THOC1: variants seen among roughly 807,000 people sequenced by gnomAD.
THOC1 encodes THO complex subunit 1.
Under a neutral mutation model 97.3 loss-of-function variants are expected in THOC1, and 29 were observed. The observed-to-expected ratio is 0.30, with a 90% CI of 0.22 to 0.41. The LOEUF is 0.41. Among genes scored for constraint, THOC1 ranks in the 10% least tolerant of loss-of-function variants. THOC1 has a pLI of 1.00. For synonymous variants in THOC1, 255 were observed against 257.0 expected, an observed-to-expected ratio of 0.99 and a Z score of 0.07; for missense variants, 529 against 761.9, an observed-to-expected ratio of 0.69 and a Z score of 3.60.
intron 17 of THOC1, among the ~76,000 whole-genome samples, chr18:220,390 T>A (rs1233344899): frequency 6.6e-6 from 1 of 152,210 alleles, no homozygotes; most frequent in African/African-American, 2.4e-5. Context: ...TAGTTGAAAT[T>A]ACTAAATTGA....
chr18:219,560 T>C (rs1440868991), intron 17 of THOC1, among the ~76,000 whole-genome samples: 1 of 152,222 alleles, frequency 6.6e-6, no homozygotes, highest in African/African-American at 2.4e-5. Flanking sequence ...ACAGTTTTGA[T>C]TACGTGGGAA....
intron 11 of THOC1, among the ~76,000 whole-genome samples, chr18:227,142 T>C (rs2143176822): frequency 6.6e-6 from 1 of 152,194 alleles, no homozygotes; most frequent in East Asian, 1.9e-4. Flanking sequence ...ATAACAATGA[T>C]CTATCTATGG....
At chr18:249,684 G>T (rs114579944) in intron 9 of THOC1, among the ~76,000 whole-genome samples, 1 of 146,836 alleles carries the variant, frequency 6.8e-6, no homozygotes, top group Non-Finnish European at 1.5e-5. Flanking sequence ...AAAAAAAGCC[G>T]CAAAAAGAAC....
chr18:217,291 C>A (rs929776968), intron 18 of THOC1, among the ~76,000 whole-genome samples: 4 of 152,228 alleles, frequency 2.6e-5, no homozygotes, highest in African/African-American at 9.6e-5. Flanking sequence ...GGGGACTCTT[C>A]CCAAGTTAAC....
At chr18:229,170 T>C (rs1598292636) in intron 11 of THOC1, among the ~76,000 whole-genome samples, 2 of 152,250 alleles carry the variant, frequency 1.3e-5, no homozygotes, top group Middle Eastern at 3.4e-3. Context: ...TCCCTAACAA[T>C]TGAGTTCCAT....
At chr18:230,560 T>C (rs112363984) in intron 11 of THOC1, among the ~76,000 whole-genome samples, 56 of 152,286 alleles carry the variant, frequency 3.7e-4, no homozygotes, top group African/African-American at 1.3e-3. Flanking sequence ...GGAAACTAGG[T>C]CCAGAAAAGT....
chr18:266,640 C>T (rs779167852), intron 1 of THOC1, among the ~76,000 whole-genome samples: 15 of 150,772 alleles, frequency 9.9e-5, no homozygotes, highest in Non-Finnish European at 1.9e-4. Context: ...CGGGTTCAAG[C>T]GATTCTCCTG....
intron 18 of THOC1, among the ~76,000 whole-genome samples, chr18:217,087 C>G (rs1194939150): frequency 6.6e-6 from 1 of 152,192 alleles, no homozygotes; most frequent in Non-Finnish European, 1.5e-5. Flanking sequence ...AAAGATAATG[C>G]GTCAGAAATA....
intron 11 of THOC1, among the ~76,000 whole-genome samples, chr18:227,487 A>G (rs1252017665): frequency 6.6e-6 from 1 of 152,126 alleles, no homozygotes; most frequent in African/African-American, 2.4e-5. Flanking sequence ...ACAAGAAATT[A>G]GAGGTGAAGA....
intron 11 of THOC1, among the ~76,000 whole-genome samples, chr18:243,357 G>A (rs1911974356): frequency 1.3e-5 from 2 of 152,146 alleles, no homozygotes; most frequent in South Asian, 4.1e-4. Flanking sequence ...ATATTCCAAT[G>A]TGGAGATTTC....
intron 7 of THOC1, among the ~76,000 whole-genome samples, chr18:256,845 T>C (rs1912452155): frequency 1.3e-5 from 2 of 152,202 alleles, no homozygotes; most frequent in South Asian, 2.1e-4. Flanking sequence ...GAAGAGTCAA[T>C]TGATGTGGCA....
intron 8 of THOC1, 149 bp from the exon 9 acceptor site, chr18:252,761 G>C: frequency 1.5e-6 from 1 of 653,096 alleles, no homozygotes; most frequent in East Asian, 2.8e-5. Flanking sequence ...TAGTTAATCT[G>C]TAAGGCAATC....
intron 17 of THOC1, among the ~76,000 whole-genome samples, chr18:223,039 A>G (rs565802465): frequency 6.6e-6 from 1 of 152,112 alleles, no homozygotes; most frequent in East Asian, 2.0e-4. Flanking sequence ...TTAATCATTA[A>G]TTAACCCATT....
rs1332089551 is a variant in THOC1, at chr18:216,180, T to A, written c.1602+306A>T. 5.2e-5 allele frequency: 13 copies of A among 248,880 alleles called. No homozygotes were observed. The East Asian group carries it at 1.3e-3, about 24-fold the overall frequency. The allele number at this position is 248,880 out of a possible 1,614,324, so 15.4% of individuals were successfully genotyped here. On this transcript the variant is annotated intron_variant, in intron 19 of 20. Transcript: ENST00000261600. ...TATTGGCCAGGATGGTCTCAATCTCTTGACCTCATGATCCACCCGCCTCGG... is the reference window on the plus strand; with the variant it reads ...TATTGGCCAGGATGGTCTCAATCTCATGACCTCATGATCCACCCGCCTCGG...
chr18:267,835 G>T, intron 1 of THOC1, 131 bp downstream of exon 1: 2 of 945,838 alleles, frequency 2.1e-6, no homozygotes, highest in Non-Finnish European at 3.1e-6. Context: ...CTCCGACGGG[G>T]CCCGGAGCGG....
intron 13 of THOC1, 68 bp downstream of exon 13, chr18:225,269 G>T: frequency 6.3e-7 from 1 of 1,578,392 alleles, no homozygotes; most frequent in Non-Finnish European, 8.7e-7. Flanking sequence ...TTCCTATTTG[G>T]GGCTGAAACA....
rs373006315 is a variant in THOC1, at chr18:247,859, G to C, written c.776C>G (p.Thr259Ser). 8.7e-6 allele frequency: 14 copies of C among 1,606,148 alleles called. No homozygotes were observed. The highest frequency in any genetic ancestry group is 1.1e-5 in the Non-Finnish European group (13 of 1,176,854). The stretch of plus-strand genomic sequence containing the variant: ...TCAATGGCAACTTACCTTGAGAAAA[G>C]TTTTCCATGAAATCTTCTCATAGCA... ...VQCYEKISWK[T>S]FLKYSEEVLA... The change falls in exon 10 of 21, where the codon ACT becomes AGT. Residue 259 changes from threonine to serine, a missense_variant. This residue lies in a region of THOC1 where 92 missense variants were observed against 127.0 expected (regional missense o/e 0.72). Coordinates refer to ENST00000261600, the MANE Select transcript of THOC1 (RefSeq NM_005131.3).
At chr18:249,443 G>A (rs1474348516) in intron 9 of THOC1, among the ~76,000 whole-genome samples, 1 of 152,108 alleles carries the variant, frequency 6.6e-6, no homozygotes, top group Admixed American at 6.5e-5. Flanking sequence ...GAGGCGGGCG[G>A]ATCACGAGGT....
chr18:221,526 G>A (rs558929274), intron 17 of THOC1, among the ~76,000 whole-genome samples: 3 of 149,024 alleles, frequency 2.0e-5, no homozygotes, highest in African/African-American at 4.9e-5. Context: ...TAAAAATTAC[G>A]TCTTTTAAAA....
Sources: gnomAD v4.1 joint callset for allele counts (sites outside exome capture counted in the v4.1 genomes callset) on GRCh38, gnomAD v4.1.1 for gene constraint, gnomAD v4.1.1 regional missense constraint, MANE v1.5 for transcripts, NCBI Gene and HGNC (gene_info 2026-07-23, HGNC 2026-07-21) for gene names.